MS4A12: variants seen among roughly 807,000 people sequenced by gnomAD.
MS4A12 encodes the protein membrane-spanning 4-domains subfamily A member 12.
MS4A12 carries 28 observed loss-of-function variants against 23.7 expected under a neutral mutation model. The observed-to-expected ratio is 1.18, with a 90% CI of 0.88 to 1.62. The LOEUF is 1.62. Ranked by LOEUF, MS4A12 falls within the 40% of genes most tolerant of loss-of-function variation. MS4A12 has a pLI of 0.00. For missense variants in MS4A12, 342 were observed against 327.0 expected (o/e 1.05, Z -0.35); for synonymous variants, 108 against 110.1 (o/e 0.98, Z 0.12).
intron 1 of MS4A12, among the ~76,000 whole-genome samples, chr11:60,493,331 G>A (rs934250630): frequency 2.0e-5 from 3 of 150,184 alleles, no homozygotes; most frequent in African/African-American, 4.9e-5. Context: ...AGCCGAGATC[G>A]CTCCATTGCA....
intron 1 of MS4A12, among the ~76,000 whole-genome samples, chr11:60,493,376 TAAA>T (rs59628484): frequency 0.03 from 4,002 of 135,020 alleles, 148 homozygotes; most frequent in Admixed American, 0.1. Context: ...AACTCCATCT[TAAA>T]AAAAAAAAAA....
At chr11:60,493,366 A>C (rs928678864) in intron 1 of MS4A12, among the ~76,000 whole-genome samples, 2 of 134,954 alleles carry the variant, frequency 1.5e-5, no homozygotes, top group Non-Finnish European at 3.1e-5. Context: ...ACAAGAGTGA[A>C]ACTCCATCTT....
intron 2 of MS4A12, chr11:60,497,804 C>T (rs1204442989): frequency 1.8e-6 from 1 of 546,982 alleles, no homozygotes; most frequent in Admixed American, 3.5e-5. Flanking sequence ...AGAGGAGCCT[C>T]CCTAGCTGGA....
chr11:60,493,430 T>C (rs913331911), intron 1 of MS4A12, among the ~76,000 whole-genome samples: 1 of 150,530 alleles, frequency 6.6e-6, no homozygotes, highest in Admixed American at 6.6e-5. Flanking sequence ...TAGGTTCAAC[T>C]GTATGCCATT....
Position 60,501,172 on chromosome 11 carries a change from G to T in MS4A12, c.404G>T (p.Gly135Val), listed in dbSNP as rs751073407. The change falls in exon 3 of 7, where the codon GGT becomes GTT. Residue 135 changes from glycine to valine, a missense_variant. Coordinates refer to ENST00000016913, the MANE Select transcript of MS4A12 (RefSeq NM_017716.3). ...GTTATTGGTGGATACCCATTCTGGG[G>T]TGGCCTTTCTGTGAGTAGATTGCTA... The part of the protein sequence containing the change: ...TAVIGGYPFW[G>V]GLSFIISGSL... The T allele has an allele frequency of 6.2e-7, 1 of 1,607,228 alleles. No homozygotes were observed. The highest frequency in any genetic ancestry group is 8.5e-7 in the Non-Finnish European group (1 of 1,178,002).
In MS4A12 at chr11:60,506,932, T is replaced by G. The variant is rs905509159; in HGVS notation, c.700-88T>G. The G allele has an allele frequency of 3.9e-6, 6 of 1,519,732 alleles. No individual in the cohort carries two copies. The African/African-American group carries it at 8.2e-5, about 21-fold the overall frequency. 94.1% of individuals were successfully genotyped at this position (1,519,732 alleles called of 1,614,324 possible). On this transcript the variant is annotated intron_variant, in intron 6 of 6. Transcript: ENST00000016913. ...AAATCCTACTATCGGCTTACCAGAA[T>G]GCTCTTTGTCCTTCACTCTGATGGT...
In MS4A12 at chr11:60,503,829, A is replaced by G. The variant is rs201039425; in HGVS notation, c.588+12A>G. 1 of 1,600,224 alleles carries G rather than the reference A, an allele frequency of 6.2e-7. No individual in the cohort carries two copies. Among genetic ancestry groups the G allele is most frequent in the South Asian group, 1.1e-5 (1 of 90,392 alleles). ...ACTACTGGGCCGTGGTAAGTATCCC[A>G]TACTCCACCATGTGCCTGCTCTATT... On this transcript the variant is annotated intron_variant, in intron 5 of 6. Coordinates refer to ENST00000016913, the MANE Select transcript of MS4A12 (RefSeq NM_017716.3).
chr11:60,495,287 G>GA (rs560979577), intron 1 of MS4A12, among the ~76,000 whole-genome samples: 41 of 146,552 alleles, frequency 2.8e-4, no homozygotes, highest in South Asian at 6.5e-4. Context: ...TTTCCATTTT[G>GA]AAAAAAAAAA....
intron 5 of MS4A12, among the ~76,000 whole-genome samples, chr11:60,505,427 A>G (rs745947221): frequency 5.9e-5 from 9 of 152,158 alleles, no homozygotes; most frequent in Non-Finnish European, 1.3e-4. Context: ...TCAGGAGGCA[A>G]AAATAGATGA....
intron 5 of MS4A12, 109 bp downstream of exon 5, chr11:60,503,926 T>C: frequency 3.2e-6 from 3 of 945,514 alleles, no homozygotes; most frequent in South Asian, 3.4e-5. Context: ...AAATGTTTTT[T>C]CTATTCTAGC....
At chr11:60,499,343 G>A (rs4939379) in intron 2 of MS4A12, among the ~76,000 whole-genome samples, 86,639 of 151,616 alleles carry the variant, frequency 0.57, 24,867 homozygotes, top group East Asian at 0.65. Flanking sequence ...AGCCAGGGCT[G>A]TAGGAGGAGA....
chr11:60,501,382 T>C (rs560789962), intron 3 of MS4A12, among the ~76,000 whole-genome samples, 200 bp downstream of exon 3: 2 of 152,356 alleles, frequency 1.3e-5, no homozygotes, highest in East Asian at 1.9e-4. Flanking sequence ...TGAATGAGCA[T>C]GAAAAAATCG....
intron 1 of MS4A12, among the ~76,000 whole-genome samples, chr11:60,494,932 A>C (rs940556846): frequency 6.6e-6 from 1 of 152,150 alleles, no homozygotes; most frequent in Non-Finnish European, 1.5e-5. Flanking sequence ...CAAGAGTCAC[A>C]GCTATGGACT....
chr11:60,496,855 C>T (rs1009377065), intron 1 of MS4A12, among the ~76,000 whole-genome samples: 5 of 152,282 alleles, frequency 3.3e-5, no homozygotes, highest in Admixed American at 2.0e-4. Flanking sequence ...GGTTCATGGA[C>T]GCCTTCCTCC....
At chr11:60,498,708 G>C (rs1235814005) in intron 2 of MS4A12, among the ~76,000 whole-genome samples, 2 of 152,158 alleles carry the variant, frequency 1.3e-5, no homozygotes, top group African/African-American at 4.8e-5. Flanking sequence ...AAGTGTAAAA[G>C]GGCTAAAAAG....
intron 1 of MS4A12, among the ~76,000 whole-genome samples, chr11:60,495,503 T>C (rs759611238): frequency 3.1e-4 from 47 of 151,928 alleles, no homozygotes; most frequent in Admixed American, 7.2e-4. Flanking sequence ...TCTCATGCAC[T>C]TAACATAGAA....
chr11:60,502,084 C>T (rs762373074), intron 4 of MS4A12, 45 bp downstream of exon 4: 1 of 1,534,164 alleles, frequency 6.5e-7, no homozygotes, highest in South Asian at 1.2e-5. Context: ...TAAAGATTAG[C>T]TTAACATATT....
rs187622162 is a variant in MS4A12, at chr11:60,497,974, C to T, written c.276+380C>T. ...ACATAACAATGAACAATGATGGCTG[C>T]CCCCAGAAAAGGAAACTACAAATGG... On this transcript the variant is annotated intron_variant, in intron 2 of 6. Coordinates refer to ENST00000016913, the MANE Select transcript of MS4A12 (RefSeq NM_017716.3). 348 of 178,184 alleles carry T rather than the reference C, an allele frequency of 2.0e-3. 2 individuals carry two copies. Among genetic ancestry groups the T allele is most frequent in the African/African-American group, 7.8e-3 (325 of 41,868 alleles). The allele number at this position is 178,184 out of a possible 1,614,324, so 11.0% of individuals were successfully genotyped here. A position where few individuals can be genotyped will look rare whatever the true frequency, so the allele number is the denominator to read the frequency against.
At position 60,497,572 on chromosome 11, in the gene MS4A12, A is replaced by G; in HGVS notation, c.254A>G (p.Lys85Arg). 1 of 1,614,134 alleles carries G rather than the reference A, an allele frequency of 6.2e-7. No individual in the cohort carries two copies. The highest frequency in any genetic ancestry group is 2.2e-5 in the East Asian group (1 of 44,896). Residue 85 changes from lysine to arginine, a missense_variant, in exon 2 of 7, where the codon AAA (lysine) becomes AGA (arginine). Transcript: ENST00000016913. ...PSVGTAVMNF[K>R]EEAKALGVIQ... ...GTGGGAACAGCAGTAATGAACTTTAAAGAAGAAGCAAAGGCACTAGGGGTA... is the reference window on the plus strand; with the variant it reads ...GTGGGAACAGCAGTAATGAACTTTAGAGAAGAAGCAAAGGCACTAGGGGTA...
Sources: allele counts gnomAD v4.1 joint callset (sites outside exome capture counted in the v4.1 genomes callset), GRCh38; gene constraint gnomAD v4.1.1; transcripts MANE v1.5; gene names NCBI Gene and HGNC (gene_info 2026-07-23, HGNC 2026-07-21).